SP100: variants seen among roughly 807,000 people sequenced by gnomAD.
SP100 encodes nuclear autoantigen Sp-100.
In SP100, 84 loss-of-function variants were observed where a neutral mutation model predicts 130.0. That is an observed-to-expected ratio of 0.65 (90% CI 0.54 to 0.77). SP100 has a LOEUF of 0.77. SP100 is among the 30% of genes least tolerant of loss of function. The probability of loss-of-function intolerance (pLI) is 0.00; values close to 1 mark genes in which losing one functional copy is unlikely to be tolerated. For missense variants in SP100, 978 were observed against 1,052.2 expected (o/e 0.93, Z 0.97); for synonymous variants, 331 against 351.7 (o/e 0.94, Z 0.66).
chr2:230,540,274 T>C (rs896349187), intron 25 of SP100, among the ~76,000 whole-genome samples: 3 of 152,180 alleles, frequency 2.0e-5, no homozygotes, highest in African/African-American at 7.2e-5. Flanking sequence ...GCTTGCCTGA[T>C]TATCAAAAGC....
chr2:230,517,697 A>G (rs1388458386), intron 24 of SP100, among the ~76,000 whole-genome samples: 3 of 151,868 alleles, frequency 2.0e-5, no homozygotes, highest in African/African-American at 4.8e-5. Flanking sequence ...CCCAGAAGGC[A>G]GAGGTTACAG....
chr2:230,438,688 T>C lies in SP100; in HGVS notation c.108-4249T>C, dbSNP rs541176732. Among the ~76,000 whole-genome samples the C allele has an allele frequency of 3.0e-3, 372 of 125,056 alleles. 1 individual carries two copies. The highest frequency in any genetic ancestry group is 9.4e-3 in the East Asian group (45 of 4,808). The allele number at this position is 125,056 out of a possible 152,430, so 82.0% of individuals were successfully genotyped here. A position where few individuals can be genotyped will look rare whatever the true frequency, so the allele number is the denominator to read the frequency against. ...ACACACACACACACACACACACACA[T>C]ATGGTATATATATATGTGTATACAT... On this transcript the variant is annotated intron_variant, in intron 2 of 28. Transcript: ENST00000340126.
chr2:230,491,192 G>A (rs192836224), intron 17 of SP100, among the ~76,000 whole-genome samples: 2 of 152,286 alleles, frequency 1.3e-5, no homozygotes, highest in East Asian at 1.9e-4. Context: ...ACTGTCCCTT[G>A]GTGTAGGAGG....
intron 24 of SP100, among the ~76,000 whole-genome samples, chr2:230,521,939 C>G (rs572575219): frequency 6.6e-5 from 10 of 152,128 alleles, no homozygotes; most frequent in Non-Finnish European, 1.3e-4. Context: ...TATTGGGGAA[C>G]ATTTTAAAGG....
intron 8 of SP100, among the ~76,000 whole-genome samples, chr2:230,452,575 G>T (rs1422303503): frequency 1.3e-5 from 2 of 152,172 alleles, no homozygotes; most frequent in Non-Finnish European, 1.5e-5. Context: ...TGAACATGGG[G>T]TATCTTTTCA....
intron 27 of SP100, 44 bp from the exon 28 acceptor site, chr2:230,541,848 A>T (rs1325082934): frequency 6.3e-7 from 1 of 1,595,236 alleles, no homozygotes; most frequent in South Asian, 1.1e-5. Flanking sequence ...GTGGGAGTCT[A>T]TGGCACTGGG....
At position 230,442,964 on chromosome 2, in the gene SP100, T is replaced by C. The variant is rs1487181840; in HGVS notation, c.135T>C (p.Asp45=). The change falls in exon 3 of 29, where the codon GAT becomes GAC. Residue 45 remains aspartate (D), a synonymous_variant. Transcript: ENST00000340126. ...QRMFTEDQGV[D]DRLLYDIVFK... ...TGTTCACGGAAGACCAGGGTGTAGA[T>C]GACAGGCTGCTCTATGACATTGTAT... The C allele has an allele frequency of 2.5e-6, 4 of 1,613,992 alleles. No individual in the cohort carries two copies. Among genetic ancestry groups the C allele is most frequent in the African/African-American group, 1.3e-5 (1 of 75,030 alleles).
In SP100 at chr2:230,498,524, G is replaced by A; in HGVS notation, c.1709G>A (p.Trp570Ter). ...AATAACAAAGTCCAAAAGAAAAGAT[G>A]GCAACAAAGAGGTAAAAAAAAAAAA... Reference protein sequence around the residue: ...TLNNKVQKKRWQQRGRKANTR... With the variant: ...TLNNKVQKKR Residue 570 changes from tryptophan (W) to a stop codon, truncating the protein, a stop_gained, in exon 19 of 29, where the codon TGG becomes TAG. Transcript: ENST00000340126. LOFTEE classifies it high-confidence loss of function. 3 of 1,460,878 alleles carry A rather than the reference G, an allele frequency of 2.1e-6. No individual in the cohort carries two copies. The highest frequency in any genetic ancestry group is 2.6e-5 in the East Asian group (1 of 38,936). 90.5% of individuals were successfully genotyped at this position (1,460,878 alleles called of 1,614,324 possible).
rs145718287 is a variant in SP100, at chr2:230,472,943, T to C, written c.1430-381T>C. On this transcript the variant is annotated intron_variant, in intron 15 of 28. Coordinates refer to ENST00000340126, the MANE Select transcript of SP100 (RefSeq NM_001080391.2). ...CAGCCCTGTCTTCTAAACTCATTCA[T>C]CCAAGTGTCAGAAGGCTCCTGTTGG... is the stretch of plus-strand genomic sequence containing the variant. Among the ~76,000 whole-genome samples, 453 of 152,292 alleles carry C rather than the reference T, an allele frequency of 3.0e-3. 2 individuals carry two copies. The highest frequency in any genetic ancestry group is 0.01 in the African/African-American group (430 of 41,550).
Position 230,416,228 on chromosome 2 carries a change from C to T in SP100, c.-69C>T, listed in dbSNP as rs766887294. 91 of 1,350,358 alleles carry T rather than the reference C, an allele frequency of 6.7e-5. No homozygotes were observed. The highest frequency in any genetic ancestry group is 1.3e-4 in the African/African-American group (9 of 69,602). 83.6% of individuals were successfully genotyped at this position (1,350,358 alleles called of 1,614,324 possible). ...TTGGGGCCTGGGCAGCCACACTGCACGCAGGCTGGGCCGACTGAGGGGCTC... is the reference window on the plus strand; with the variant it reads ...TTGGGGCCTGGGCAGCCACACTGCATGCAGGCTGGGCCGACTGAGGGGCTC... On this transcript the variant is annotated 5_prime_UTR_variant, in exon 1 of 29. In the 5' UTR this introduces an upstream ATG that the reference lacks. Coordinates refer to ENST00000340126, the MANE Select transcript of SP100 (RefSeq NM_001080391.2).
intron 25 of SP100, 39 bp from the exon 26 acceptor site, chr2:230,540,837 C>T (rs927794965): frequency 6.3e-6 from 10 of 1,579,326 alleles, no homozygotes; most frequent in Non-Finnish European, 7.8e-6. Flanking sequence ...GGCTGATTCA[C>T]AGAACCTGCC....
intron 8 of SP100, among the ~76,000 whole-genome samples, chr2:230,459,460 T>G (rs1318107956): frequency 6.6e-6 from 1 of 152,200 alleles, no homozygotes; most frequent in East Asian, 1.9e-4. Context: ...TCAATCACCA[T>G]CTAAGATCTG....
At chr2:230,538,646 A>T (rs896045252) in intron 24 of SP100, 9 of 152,356 alleles carry the variant, frequency 5.9e-5, no homozygotes, top group Non-Finnish European at 1.2e-4. Context: ...TACATGCCTA[A>T]GTCATGGGGA....
rs1024807746 is a variant in SP100 at position 230,515,332 on chromosome 2, C to G, written c.2094+4166C>G. 9 of 1,613,446 alleles carry G rather than the reference C, an allele frequency of 5.6e-6. No homozygotes were observed. In the African/African-American group the frequency reaches 9.3e-5, roughly 17 times the overall value. On this transcript the variant is annotated intron_variant, in intron 24 of 28. Transcript: ENST00000340126. ...CAAGAGGCCTCCTTTGGCCTTTTTCCTGTTCTGCTCTGAGTATCGCCCAAA... is the reference window on the plus strand; with the variant it reads ...CAAGAGGCCTCCTTTGGCCTTTTTCGTGTTCTGCTCTGAGTATCGCCCAAA...
In SP100 at chr2:230,424,668, C is replaced by CAAA. The variant is rs770362175; in HGVS notation, c.107+7018_107+7020dup. Among the ~76,000 whole-genome samples the CAAA allele has an allele frequency of 4.9e-3, 550 of 111,674 alleles. 7 individuals are homozygous for CAAA. Among genetic ancestry groups the CAAA allele is most frequent in the Non-Finnish European group, 7.6e-3 (414 of 54,294 alleles). 73.3% of individuals were successfully genotyped at this position (111,674 alleles called of 152,430 possible). On this transcript the variant is annotated intron_variant, in intron 2 of 28. Transcript: ENST00000340126. ...TGGGCAACAGAGTGAGACTCCATCTCAAAAAAAAAAAAAAAAAGTGGGGGT... is the reference window on the plus strand; with the variant it reads ...TGGGCAACAGAGTGAGACTCCATCTCAAAAAAAAAAAAAAAAAAAAGTGGGGGT...
At chr2:230,513,965 G>T (rs999535349) in intron 24 of SP100, among the ~76,000 whole-genome samples, 3 of 152,140 alleles carry the variant, frequency 2.0e-5, no homozygotes, top group Non-Finnish European at 4.4e-5. Flanking sequence ...ATAGAAAAAA[G>T]AAATTAGTCC....
chr2:230,498,529 CAA>C lies in SP100; in HGVS notation c.1716_1717del (p.Gly574LysfsTer6). On this transcript the variant is annotated frameshift_variant, in exon 19 of 29. Coordinates refer to ENST00000340126, the MANE Select transcript of SP100 (RefSeq NM_001080391.2). LOFTEE classifies it high-confidence loss of function. ...NNKVQKKRWQ[Q>X]RGRKANTRPL... ...CAAAGTCCAAAAGAAAAGATGGCAACAAAGAGGTAAAAAAAAAAAAATACATT... is the reference window on the plus strand; with the variant it reads ...CAAAGTCCAAAAGAAAAGATGGCAACAGAGGTAAAAAAAAAAAAATACATT... 1 of 1,382,804 alleles carries C rather than the reference CAA, an allele frequency of 7.2e-7. No individual in the cohort carries two copies. Among genetic ancestry groups the C allele is most frequent in the Non-Finnish European group, 9.5e-7 (1 of 1,056,278 alleles). 85.7% of individuals were successfully genotyped at this position (1,382,804 alleles called of 1,614,324 possible). A position where few individuals can be genotyped will look rare whatever the true frequency, so the allele number is the denominator to read the frequency against.
At chr2:230,441,697 A>T (rs575707301) in intron 2 of SP100, among the ~76,000 whole-genome samples, 1 of 152,338 alleles carries the variant, frequency 6.6e-6, no homozygotes, top group African/African-American at 2.4e-5. Context: ...AAAAAATGAC[A>T]GCAGTGGTTG....
intron 17 of SP100, among the ~76,000 whole-genome samples, chr2:230,491,157 A>T (rs2066371914): frequency 6.6e-6 from 1 of 152,120 alleles, no homozygotes; most frequent in Admixed American, 6.5e-5. Flanking sequence ...TATTTCTTGG[A>T]GGCTTTATTC....
Sources: allele counts gnomAD v4.1 joint callset (sites outside exome capture counted in the v4.1 genomes callset), GRCh38; gene constraint gnomAD v4.1.1; transcripts MANE v1.5; gene names NCBI Gene and HGNC (gene_info 2026-07-23, HGNC 2026-07-21).